The following EPHA5 variants were observed in gnomAD, a reference collection of about 807,000 sequenced individuals.
The protein encoded by EPHA5 is EPH receptor A5, also known as ephrin type-A receptor 5.
EPHA5 carries 60 observed loss-of-function variants against 105.0 expected under a neutral mutation model. The ratio of observed to expected loss-of-function variants is 0.57; its 90% confidence interval spans 0.46 to 0.71. The LOEUF is 0.71. Among genes scored for constraint, EPHA5 ranks in the 30% least tolerant of loss-of-function variants. The pLI is 0.00. For synonymous variants in EPHA5, 513 were observed against 449.1 expected (o/e 1.14, Z -1.80); for missense variants, 1,218 against 1,274.7 (o/e 0.96, Z 0.68).
intron 2 of EPHA5, among the ~76,000 whole-genome samples, chr4:65,618,115 TTC>T (rs1745402245): frequency 6.6e-6 from 1 of 152,112 alleles, no homozygotes; most frequent in Non-Finnish European, 1.5e-5. Context: ...AAATGTAAAG[TTC>T]AAACACTGGG....
At chr4:65,531,026 T>A (rs746840982) in intron 3 of EPHA5, among the ~76,000 whole-genome samples, 39,856 of 146,664 alleles carry the variant, frequency 0.27, 5,566 homozygotes, top group Middle Eastern at 0.34. Context: ...TTTTTTTTAT[T>A]TTTTTTATTT....
chr4:65,321,019 G>A lies in EPHA5; in HGVS notation c.*3095C>T, dbSNP rs1198985115. 9 of 230,208 alleles carry A rather than the reference G, an allele frequency of 3.9e-5. No individual in the cohort carries two copies. Among genetic ancestry groups the A allele is most frequent in the Non-Finnish European group, 7.7e-5 (9 of 116,204 alleles). The allele number at this position is 230,208 out of a possible 1,614,324, so 14.3% of individuals were successfully genotyped here. ...ACATAGAAATAGTACATTATGAAAA[G>A]AGCAACTGGTTATATTAATAGTATA... On this transcript the variant is annotated 3_prime_UTR_variant, in exon 17 of 17. Transcript: ENST00000613740.
intron 5 of EPHA5, among the ~76,000 whole-genome samples, chr4:65,444,489 A>C (rs914153583): frequency 6.6e-6 from 1 of 152,156 alleles, no homozygotes; most frequent in Admixed American, 6.5e-5. Flanking sequence ...AAGAATTTTT[A>C]TAGGAGCTAT....
intron 3 of EPHA5, 45 bp from the exon 4 acceptor site, chr4:65,495,588 C>T (rs889435159): frequency 1.3e-6 from 2 of 1,526,580 alleles, no homozygotes; most frequent in Non-Finnish European, 1.8e-6. Flanking sequence ...GGAACAGATG[C>T]AGTGTTTGTT....
At chr4:65,595,975 G>T (rs1178544125) in intron 3 of EPHA5, among the ~76,000 whole-genome samples, 1 of 152,160 alleles carries the variant, frequency 6.6e-6, no homozygotes. Context: ...AATGGCAGAG[G>T]TAGAATAAGA....
At chr4:65,613,999 T>C (rs1745006998) in intron 2 of EPHA5, among the ~76,000 whole-genome samples, 1 of 151,950 alleles carries the variant, frequency 6.6e-6, no homozygotes, top group East Asian at 1.9e-4. Context: ...AGAATTACTA[T>C]AAAAACAGAT....
At chr4:65,403,296 C>T (rs969978137) in intron 8 of EPHA5, among the ~76,000 whole-genome samples, 3 of 151,946 alleles carry the variant, frequency 2.0e-5, no homozygotes, top group Admixed American at 6.6e-5. Flanking sequence ...ATTTATGAGT[C>T]GAATAGGTGC....
intron 11 of EPHA5, among the ~76,000 whole-genome samples, chr4:65,355,936 T>C (rs533832802): frequency 2.0e-5 from 3 of 151,682 alleles, no homozygotes; most frequent in African/African-American, 7.2e-5. Context: ...ATCCTCCATG[T>C]GTGGCTCTTT....
chr4:65,465,046 A>C, intron 5 of EPHA5, among the ~76,000 whole-genome samples: 1 of 152,138 alleles, frequency 6.6e-6, no homozygotes, highest in East Asian at 1.9e-4. Context: ...ATTTCCAGAA[A>C]ATTGAAATTT....
At chr4:65,582,409 G>A (rs976149964) in intron 3 of EPHA5, among the ~76,000 whole-genome samples, 2 of 149,496 alleles carry the variant, frequency 1.3e-5, no homozygotes, top group Non-Finnish European at 3.0e-5. Context: ...AAAATATCTT[G>A]TTTTCCTCTG....
chr4:65,662,065 A>G (rs568795705), intron 1 of EPHA5, among the ~76,000 whole-genome samples: 58 of 152,174 alleles, frequency 3.8e-4, no homozygotes, highest in Admixed American at 8.5e-4. Flanking sequence ...AGGGGCTCTT[A>G]CCCTCTTAAA....
At chr4:65,476,539 A>G (rs199544463) in intron 5 of EPHA5, among the ~76,000 whole-genome samples, 1 of 152,152 alleles carries the variant, frequency 6.6e-6, no homozygotes, top group African/African-American at 2.4e-5. Flanking sequence ...TTGGGAACTC[A>G]TTGACATAAA....
chr4:65,566,433 T>C (rs768514658), intron 3 of EPHA5, among the ~76,000 whole-genome samples: 2 of 151,796 alleles, frequency 1.3e-5, no homozygotes, highest in Non-Finnish European at 3.0e-5. Context: ...GAAATACCTT[T>C]CCATATCAAT....
chr4:65,320,202 TA>T lies in EPHA5; in HGVS notation c.*3911del, dbSNP rs1719524234. On this transcript the variant is annotated 3_prime_UTR_variant, in exon 17 of 17. Coordinates refer to ENST00000613740, the MANE Select transcript of EPHA5 (RefSeq NM_001281766.3). ...ATTTCTATTTTGATACATTACTATATAATTAACAGCACAATAGAGAAAATTA... is the reference window on the plus strand; with the variant it reads ...ATTTCTATTTTGATACATTACTATATATTAACAGCACAATAGAGAAAATTA... The T allele has an allele frequency of 1.7e-5, 4 of 229,946 alleles. No homozygotes were observed. Among genetic ancestry groups the T allele is most frequent in the Non-Finnish European group, 3.4e-5 (4 of 116,002 alleles). The allele number at this position is 229,946 out of a possible 1,614,324, so 14.2% of individuals were successfully genotyped here. A position where few individuals can be genotyped will look rare whatever the true frequency, so the allele number is the denominator to read the frequency against.
intron 8 of EPHA5, chr4:65,377,058 C>T (rs2148920250): frequency 6.2e-7 from 1 of 1,608,390 alleles, no homozygotes; most frequent in Non-Finnish European, 8.5e-7. Context: ...GCCACATTCG[C>T]AGCAACTGAA....
At chr4:65,607,822 C>A (rs951964577) in intron 2 of EPHA5, among the ~76,000 whole-genome samples, 1 of 152,114 alleles carries the variant, frequency 6.6e-6, no homozygotes, top group Non-Finnish European at 1.5e-5. Context: ...CCCAGCAATC[C>A]CATTACTGGG....
At chr4:65,612,223 T>C (rs1262851041) in intron 2 of EPHA5, among the ~76,000 whole-genome samples, 2 of 152,144 alleles carry the variant, frequency 1.3e-5, no homozygotes, top group Non-Finnish European at 2.9e-5. Flanking sequence ...AGTCTGGGTC[T>C]TTTGTGTAAC....
chr4:65,475,661 A>G (rs1054517450), intron 5 of EPHA5, among the ~76,000 whole-genome samples: 4 of 152,168 alleles, frequency 2.6e-5, no homozygotes, highest in African/African-American at 7.2e-5. Context: ...AATTCATAGC[A>G]TGTATGCCAA....
At chr4:65,591,893 C>T (rs1473556234) in intron 3 of EPHA5, among the ~76,000 whole-genome samples, 1 of 152,076 alleles carries the variant, frequency 6.6e-6, no homozygotes, top group Non-Finnish European at 1.5e-5. Flanking sequence ...TTGAGTAAAA[C>T]TTAAATGAAA....
Sources: allele counts gnomAD v4.1 joint callset (sites outside exome capture counted in the v4.1 genomes callset), GRCh38; gene constraint gnomAD v4.1.1; transcripts MANE v1.5; gene names NCBI Gene and HGNC (gene_info 2026-07-23, HGNC 2026-07-21).